Variants in PNISR observed in about 807,000 individuals in gnomAD.
PNISR encodes the protein PNN interacting serine and arginine rich protein.
PNISR carries 20 observed loss-of-function variants against 93.4 expected under a neutral mutation model. The observed-to-expected ratio is 0.21, with a 90% CI of 0.15 to 0.31. The LOEUF (loss-of-function observed/expected upper bound fraction) is 0.31, where lower values mean the gene tolerates loss of function less well. Ranked by LOEUF, PNISR falls within the 10% of genes least tolerant of loss-of-function variation. The pLI, the probability that PNISR is intolerant of heterozygous loss-of-function variation, is 1.00. For synonymous variants in PNISR, 305 were observed against 306.5 expected (o/e 0.99, Z 0.05); for missense variants, 893 against 985.4 (o/e 0.91, Z 1.25).
intron 1 of PNISR, among the ~76,000 whole-genome samples, chr6:99,418,118 G>C (rs12211967): frequency 0.13 from 19,810 of 151,894 alleles, 1,852 homozygotes; most frequent in Non-Finnish European, 0.18. Flanking sequence ...TTCATGGGTT[G>C]AAACTTTTAT....
chr6:99,415,614 T>C (rs868780431), intron 2 of PNISR: 10 of 152,206 alleles, frequency 6.6e-5, no homozygotes, highest in Admixed American at 3.3e-4. Context: ...TACACAACCC[T>C]GTTCAAGAAC....
At chr6:99,414,511 T>G (rs988669037) in intron 3 of PNISR, 61 bp downstream of exon 3, 1 of 821,154 alleles carries the variant, frequency 1.2e-6, no homozygotes, top group South Asian at 1.4e-5. Flanking sequence ...TCCCATCATG[T>G]GTCTTCTACC....
Position 99,401,308 on chromosome 6 carries a change from A to C in PNISR, c.1650T>G (p.Ser550=), listed in dbSNP as rs769727093. ...SGSSRTSSRS[S]SPKRKKRHSR... is the part of the protein sequence containing the mutation. ...TGTGTCTCTTTTTCCTTTTAGGAGA[A>C]GAAGACCGAGAAGAAGTACGACTAC... Residue 550 remains serine, a synonymous_variant, in exon 12 of 12, where the codon TCT becomes TCG. Transcript: ENST00000369239. 6.2e-7 allele frequency: 1 copy of C among 1,614,070 alleles called. No homozygotes were observed. Among genetic ancestry groups the C allele is most frequent in the Non-Finnish European group, 8.5e-7 (1 of 1,180,000 alleles).
At position 99,425,252 on chromosome 6, in the gene PNISR, C is replaced by T; in HGVS notation, c.-149G>A. On this transcript the variant is annotated 5_prime_UTR_variant, in exon 1 of 12. Coordinates refer to ENST00000369239, the MANE Select transcript of PNISR (RefSeq NM_032870.4). Reference sequence around the variant, plus strand: ...GGGAACACCCTTGTCGCCGCCGTTCCGGTAACACCTCTCCAACGCTTTCGA... The same window carrying T: ...GGGAACACCCTTGTCGCCGCCGTTCTGGTAACACCTCTCCAACGCTTTCGA... 8.1e-7 allele frequency: 1 copy of T among 1,232,174 alleles called. No homozygotes were observed. The highest frequency in any genetic ancestry group is 4.2e-5 in the Admixed American group (1 of 23,722). The allele number at this position is 1,232,174 out of a possible 1,614,324, so 76.3% of individuals were successfully genotyped here.
chr6:99,405,610 G>T (rs1776062752), intron 8 of PNISR, among the ~76,000 whole-genome samples: 1 of 151,978 alleles, frequency 6.6e-6, no homozygotes, highest in South Asian at 2.1e-4. Flanking sequence ...TGTCACCCAG[G>T]ATGGAACGCA....
At chr6:99,402,478 AGTT>A (rs1775626789) in intron 11 of PNISR, 59 bp downstream of exon 11, 13 of 801,782 alleles carry the variant, frequency 1.6e-5, no homozygotes, top group Non-Finnish European at 2.3e-5. Flanking sequence ...TTTTTAGGTT[AGTT>A]AAAAAATAAA....
intron 1 of PNISR, among the ~76,000 whole-genome samples, chr6:99,424,635 G>C (rs140748360): frequency 6.6e-6 from 1 of 152,366 alleles, no homozygotes; most frequent in African/African-American, 2.4e-5. Context: ...TCTTAAGCTA[G>C]AATGTTAATT....
Position 99,416,381 on chromosome 6 carries a change from T to C in PNISR, c.-64A>G, listed in dbSNP as rs1248862861. 5.7e-6 allele frequency: 7 copies of C among 1,220,944 alleles called. No individual in the cohort carries two copies. Among genetic ancestry groups the C allele is most frequent in the Middle Eastern group, 3.1e-4 (1 of 3,210 alleles). 75.6% of individuals were successfully genotyped at this position (1,220,944 alleles called of 1,614,324 possible). On this transcript the variant is annotated 5_prime_UTR_variant, in exon 2 of 12. Coordinates refer to ENST00000369239, the MANE Select transcript of PNISR (RefSeq NM_032870.4). Reference sequence around the variant, plus strand: ...GTTCACCTTCTGTTTAAAACTTAGGTTGATTCAGACTACAGCTTCGAAGCA... The same window carrying C: ...GTTCACCTTCTGTTTAAAACTTAGGCTGATTCAGACTACAGCTTCGAAGCA...
At chr6:99,402,817 CAGA>C (rs1381155879) in intron 10 of PNISR, 107 bp from the exon 11 acceptor site, 2 of 788,262 alleles carry the variant, frequency 2.5e-6, no homozygotes, top group Non-Finnish European at 1.9e-6. Flanking sequence ...TGCCTTTTCC[CAGA>C]AGAATACGCT....
Position 99,404,343 on chromosome 6 carries a change from T to C in PNISR, c.1102+260A>G, listed in dbSNP as rs183023893. ...TTAAAAAAAATCAGGTGAAATAAAC[T>C]GAACACCTGGAATTTTCCACAATAC... is the stretch of plus-strand genomic sequence containing the variant. On this transcript the variant is annotated intron_variant, in intron 9 of 11. Transcript: ENST00000369239. 538 of 463,496 alleles carry C rather than the reference T, an allele frequency of 1.2e-3. 2 individuals carry two copies. Among genetic ancestry groups the C allele is most frequent in the East Asian group, 5.0e-3 (115 of 23,108 alleles). 28.7% of individuals were successfully genotyped at this position (463,496 alleles called of 1,614,324 possible). A position where few individuals can be genotyped will look rare whatever the true frequency, so the allele number is the denominator to read the frequency against.
chr6:99,422,287 A>G (rs926322970), intron 1 of PNISR, among the ~76,000 whole-genome samples: 3 of 152,210 alleles, frequency 2.0e-5, no homozygotes, highest in Non-Finnish European at 2.9e-5. Context: ...AGCTACAGAA[A>G]CACATCTATC....
rs1241161706 is a variant in PNISR, at chr6:99,409,160, G to A, written c.673+13C>T. ...TGCCAATTGTGGTCCACTAAACTAA[G>A]TTAAATAGCTACCAATTTGTGGAGG... On this transcript the variant is annotated intron_variant, in intron 6 of 11. Transcript: ENST00000369239. 1 of 1,609,490 alleles carries A rather than the reference G, an allele frequency of 6.2e-7. No homozygotes were observed. Among genetic ancestry groups the A allele is most frequent in the Non-Finnish European group, 8.5e-7 (1 of 1,176,250 alleles).
Position 99,400,714 on chromosome 6 carries a change from A to G in PNISR, c.2244T>C (p.Ser748=). The change falls in exon 12 of 12, where the codon AGT becomes AGC. Residue 748 remains serine, a synonymous_variant. Coordinates refer to ENST00000369239, the MANE Select transcript of PNISR (RefSeq NM_032870.4). ...QDSKKSTTKD[S]KKHSGSDSSG... ...TAGAATCAGAGCCTGAATGTTTTTT[A>G]CTATCTTTGGTAGTACTTTTCTTAC... is the stretch of plus-strand genomic sequence containing the variant. The G allele has an allele frequency of 6.2e-7, 1 of 1,613,070 alleles. No individual in the cohort carries two copies.
chr6:99,401,620 C>T lies in PNISR; in HGVS notation c.1338G>A (p.Gln446=). 1 of 1,532,846 alleles carries T rather than the reference C, an allele frequency of 6.5e-7. No individual in the cohort carries two copies. The highest frequency in any genetic ancestry group is 8.7e-7 in the Non-Finnish European group (1 of 1,145,582). 95.0% of individuals were successfully genotyped at this position (1,532,846 alleles called of 1,614,324 possible). A position where few individuals can be genotyped will look rare whatever the true frequency, so the allele number is the denominator to read the frequency against. Residue 446 remains glutamine, a synonymous_variant, in exon 12 of 12, where the codon CAG becomes CAA. Transcript: ENST00000369239. ...LHDKQMEEEK[Q]QTERVTKEMN... ...TCTCTTTTGTAACCCTTTCTGTTTG[C>T]TGCTTTTCTTCTGAAACAGAAAAAG...
In PNISR at chr6:99,399,669, CAGAGAATAT is replaced by C. The variant is rs1337292099; in HGVS notation, c.*862_*870del. 6.6e-6 allele frequency: 1 copy of C among 152,088 alleles called. No homozygotes were observed. Among genetic ancestry groups the C allele is most frequent in the Admixed American group, 6.6e-5 (1 of 15,262 alleles). The allele number at this position is 152,088 out of a possible 1,614,324, so 9.4% of individuals were successfully genotyped here. A position where few individuals can be genotyped will look rare whatever the true frequency, so the allele number is the denominator to read the frequency against. On this transcript the variant is annotated 3_prime_UTR_variant, in exon 12 of 12. Coordinates refer to ENST00000369239, the MANE Select transcript of PNISR (RefSeq NM_032870.4). ...AGGAGTGAACCACACGTTATACACACAGAGAATATATTACTTGAAAATCCCCAAAATAGG... is the reference window on the plus strand; with the variant it reads ...AGGAGTGAACCACACGTTATACACACATTACTTGAAAATCCCCAAAATAGG...
chr6:99,401,596 C>A lies in PNISR; in HGVS notation c.1362G>T (p.Glu454Asp), dbSNP rs770953851. ...GCTCTTTATGGATAAATTCATTCATCTCTTTTGTAACCCTTTCTGTTTGCT... is the reference window on the plus strand; with the variant it reads ...GCTCTTTATGGATAAATTCATTCATATCTTTTGTAACCCTTTCTGTTTGCT... ...EKQQTERVTK[E>D]MNEFIHKEQN... The change falls in exon 12 of 12, where the codon GAG becomes GAT. Residue 454 changes from glutamate to aspartate, a missense_variant. This residue lies in a region of PNISR where 866 missense variants were observed against 935.1 expected (regional missense o/e 0.93). Coordinates refer to ENST00000369239, the MANE Select transcript of PNISR (RefSeq NM_032870.4). 1.9e-6 allele frequency: 3 copies of A among 1,567,898 alleles called. No homozygotes were observed. Among genetic ancestry groups the A allele is most frequent in the Non-Finnish European group, 2.6e-6 (3 of 1,163,786 alleles).
chr6:99,412,689 C>A lies in PNISR; in HGVS notation c.139G>T (p.Ala47Ser). Residue 47 changes from alanine (A) to serine (S), a missense_variant, in exon 4 of 12, where the codon GCT becomes TCT. Physicochemically the swap from Ala to Ser is moderately conservative, Grantham distance 99 (BLOSUM62 1). Transcript: ENST00000369239. ...TCTACCATGCTTTGCTGTCCTGAAG[C>A]TTCTCTTTGGGCAATCCAAGCTTGG... ...LAQAWIAQRE[A>S]SGQQSMVEQP... 1 of 1,608,786 alleles carries A rather than the reference C, an allele frequency of 6.2e-7. No homozygotes were observed. Among genetic ancestry groups the A allele is most frequent in the Non-Finnish European group, 8.5e-7 (1 of 1,178,408 alleles).
intron 1 of PNISR, among the ~76,000 whole-genome samples, chr6:99,417,338 T>C (rs993836155): frequency 2.0e-5 from 3 of 152,222 alleles, no homozygotes; most frequent in South Asian, 2.1e-4. Flanking sequence ...ATGGTTGTCA[T>C]GGACAACTTT....
intron 9 of PNISR, chr6:99,404,366 T>G (rs998249365): frequency 4.0e-6 from 2 of 499,146 alleles, no homozygotes; most frequent in African/African-American, 1.9e-5. Context: ...TTTTCCACAA[T>G]ACATTTTAGA....
Sources: gnomAD v4.1 joint callset for allele counts (sites outside exome capture counted in the v4.1 genomes callset) on GRCh38, gnomAD v4.1.1 for gene constraint, gnomAD v4.1.1 regional missense constraint, MANE v1.5 for transcripts, NCBI Gene and HGNC (gene_info 2026-07-23, HGNC 2026-07-21) for gene names.